GPC5: variants seen among roughly 807,000 people sequenced by gnomAD.
GPC5 encodes glypican-5.
Under a neutral mutation model 53.9 loss-of-function variants are expected in GPC5, and 47 were observed. That is an observed-to-expected ratio of 0.87 (90% confidence interval 0.69 to 1.11). The LOEUF is 1.11. GPC5 is among the 50% of genes most tolerant of loss of function. The probability of loss-of-function intolerance (pLI) is 0.00; values close to 1 mark genes in which losing one functional copy is unlikely to be tolerated. For missense variants in GPC5, 748 were observed against 713.1 expected (o/e 1.05, Z -0.56); for synonymous variants, 286 against 263.3 (o/e 1.09, Z -0.84).
chr13:92,569,292 G>A (rs924891630), intron 7 of GPC5, among the ~76,000 whole-genome samples: 5 of 151,864 alleles, frequency 3.3e-5, no homozygotes, highest in African/African-American at 1.2e-4. Context: ...CTGTCCTCCT[G>A]TAGGTACTAT....
chr13:91,403,410 G>A (rs1228948014), intron 1 of GPC5, among the ~76,000 whole-genome samples: 1 of 152,164 alleles, frequency 6.6e-6, no homozygotes, highest in Non-Finnish European at 1.5e-5. Context: ...TTAATGAAGT[G>A]GGGCAATTCA....
intron 7 of GPC5, among the ~76,000 whole-genome samples, chr13:92,494,215 G>A (rs1043960168): frequency 8.7e-5 from 13 of 150,080 alleles, no homozygotes; most frequent in Non-Finnish European, 7.5e-5. Flanking sequence ...TCAGCCTCCC[G>A]AGTAGCTGGG....
At chr13:92,624,744 G>A (rs1161588092) in intron 7 of GPC5, among the ~76,000 whole-genome samples, 1 of 152,198 alleles carries the variant, frequency 6.6e-6, no homozygotes, top group East Asian at 1.9e-4. Flanking sequence ...TTTTATAACA[G>A]GAGGTACACC....
chr13:91,896,260 C>T (rs1351077498), intron 5 of GPC5, among the ~76,000 whole-genome samples: 1 of 151,884 alleles, frequency 6.6e-6, no homozygotes, highest in East Asian at 1.9e-4. Context: ...GTTGGGACTA[C>T]AGGCACGTGC....
intron 7 of GPC5, among the ~76,000 whole-genome samples, chr13:92,333,107 A>G (rs2043299217): frequency 6.6e-6 from 1 of 152,154 alleles, no homozygotes; most frequent in Non-Finnish European, 1.5e-5. Flanking sequence ...CCTGAAATAT[A>G]GTTGATAAAT....
intron 5 of GPC5, among the ~76,000 whole-genome samples, chr13:91,819,762 G>A (rs2038461235): frequency 1.3e-5 from 2 of 152,082 alleles, no homozygotes; most frequent in Admixed American, 1.3e-4. Context: ...AATGCATACT[G>A]AGGAGAGAAA....
intron 7 of GPC5, among the ~76,000 whole-genome samples, chr13:92,230,701 T>C (rs887841384): frequency 6.6e-5 from 10 of 152,124 alleles, no homozygotes; most frequent in African/African-American, 1.4e-4. Flanking sequence ...AGAAATAGAT[T>C]TAAAAATTTA....
chr13:92,445,262 T>TC lies in GPC5; in HGVS notation c.1561+300273_1561+300274insC, dbSNP rs1483264124. Among the ~76,000 whole-genome samples, 978 of 124,756 alleles carry TC rather than the reference T, an allele frequency of 7.8e-3. 10 individuals are homozygous for TC. Among genetic ancestry groups the TC allele is most frequent in the African/African-American group, 0.025 (849 of 33,348 alleles). The allele number at this position is 124,756 out of a possible 152,430, so 81.8% of individuals were successfully genotyped here. The stretch of plus-strand genomic sequence containing the variant: ...TTCCTTTCCTTTCTCTCTCTCTCTC[T>TC]TTTTTTTTTTAACAAAGATTCTCTT... On this transcript the variant is annotated intron_variant, in intron 7 of 7. Coordinates refer to ENST00000377067, the MANE Select transcript of GPC5 (RefSeq NM_004466.6).
chr13:91,610,563 C>T (rs1164945137), intron 2 of GPC5, among the ~76,000 whole-genome samples: 1 of 152,146 alleles, frequency 6.6e-6, no homozygotes, highest in Non-Finnish European at 1.5e-5. Flanking sequence ...GTGTGTCTCA[C>T]TCTGAGACTG....
chr13:91,583,683 C>G (rs2032454565), intron 2 of GPC5, among the ~76,000 whole-genome samples: 1 of 151,930 alleles, frequency 6.6e-6, no homozygotes, highest in Admixed American at 6.6e-5. Flanking sequence ...AGTAAAATAG[C>G]TGAGACACCC....
chr13:92,348,439 T>C (rs926183415), intron 7 of GPC5, among the ~76,000 whole-genome samples: 1 of 152,012 alleles, frequency 6.6e-6, no homozygotes, highest in African/African-American at 2.4e-5. Context: ...AAAACAAATA[T>C]GAAATGATTT....
chr13:91,818,504 T>C (rs1159201759), intron 5 of GPC5, among the ~76,000 whole-genome samples: 1 of 152,180 alleles, frequency 6.6e-6, no homozygotes, highest in East Asian at 1.9e-4. Context: ...AAATTTAGCT[T>C]TGTGTAGAGA....
intron 7 of GPC5, among the ~76,000 whole-genome samples, chr13:92,485,252 G>A (rs1010478675): frequency 4.6e-5 from 7 of 152,272 alleles, no homozygotes; most frequent in Middle Eastern, 3.4e-3. Flanking sequence ...TATGAGTGAT[G>A]TAACCTTGAT....
intron 5 of GPC5, among the ~76,000 whole-genome samples, chr13:91,783,473 G>T (rs956112542): frequency 6.6e-6 from 1 of 151,976 alleles, no homozygotes; most frequent in Non-Finnish European, 1.5e-5. Flanking sequence ...TCACTCTGTC[G>T]CTCAGGCTGG....
At chr13:92,567,247 G>A (rs1321046794) in intron 7 of GPC5, among the ~76,000 whole-genome samples, 2 of 152,088 alleles carry the variant, frequency 1.3e-5, no homozygotes, top group Non-Finnish European at 2.9e-5. Context: ...GCTTCAACTT[G>A]TGCACAGAAA....
At chr13:91,671,577 G>A (rs2035243536) in intron 2 of GPC5, among the ~76,000 whole-genome samples, 1 of 151,648 alleles carries the variant, frequency 6.6e-6, no homozygotes, top group Non-Finnish European at 1.5e-5. Context: ...GGAAATAAGA[G>A]GACACAAACA....
intron 7 of GPC5, among the ~76,000 whole-genome samples, chr13:92,820,326 G>A (rs568612076): frequency 3.3e-5 from 5 of 152,200 alleles, no homozygotes; most frequent in South Asian, 2.1e-4. Context: ...GATTACATAC[G>A]ATAAAATTTA....
intron 7 of GPC5, among the ~76,000 whole-genome samples, chr13:92,762,429 T>C (rs1875222428): frequency 6.6e-6 from 1 of 152,124 alleles, no homozygotes; most frequent in South Asian, 2.1e-4. Context: ...GAAAAAGGAA[T>C]AAAAATACAG....
At chr13:92,077,304 A>G (rs1343857451) in intron 6 of GPC5, among the ~76,000 whole-genome samples, 1 of 152,008 alleles carries the variant, frequency 6.6e-6, no homozygotes, top group East Asian at 1.9e-4. Context: ...ACCGAGTTTG[A>G]CTCTTCATCA....
Sources: allele counts gnomAD v4.1 joint callset (sites outside exome capture counted in the v4.1 genomes callset), GRCh38; gene constraint gnomAD v4.1.1; transcripts MANE v1.5; gene names NCBI Gene and HGNC (gene_info 2026-07-23, HGNC 2026-07-21).